ERP44: variants seen among roughly 807,000 people sequenced by gnomAD.
The protein encoded by ERP44 is endoplasmic reticulum resident protein 44.
In ERP44, 25 loss-of-function variants were observed where a neutral mutation model predicts 53.4. The ratio of observed to expected loss-of-function variants is 0.47; its 90% CI spans 0.34 to 0.65. The LOEUF (loss-of-function observed/expected upper bound fraction) is 0.65, where lower values mean the gene tolerates loss of function less well. Among genes scored for constraint, ERP44 ranks in the 30% least tolerant of loss-of-function variants. The pLI is 0.01. For synonymous variants in ERP44, 145 were observed against 161.2 expected, an observed-to-expected ratio of 0.90 and a Z score of 0.76; for missense variants, 338 against 493.2, an observed-to-expected ratio of 0.69 and a Z score of 2.98.
chr9:100,006,084 T>G (rs1830422474), intron 10 of ERP44, among the ~76,000 whole-genome samples: 1 of 152,234 alleles, frequency 6.6e-6, no homozygotes, highest in South Asian at 2.1e-4. Flanking sequence ...CTACTAATGT[T>G]CTTGCTATGT....
chr9:100,091,252 T>A (rs1383687139), intron 1 of ERP44, among the ~76,000 whole-genome samples: 1 of 152,226 alleles, frequency 6.6e-6, no homozygotes, highest in Non-Finnish European at 1.5e-5. Context: ...GTGACCACAA[T>A]ATCACCAAGG....
chr9:100,052,447 C>T lies in ERP44; in HGVS notation c.256G>A (p.Val86Met). Residue 86 changes from valine (V) to methionine (M), a missense_variant, in exon 4 of 12, where the codon GTG becomes ATG. Around this residue, in one of 3 missense-constraint regions of ERP44, gnomAD observed 224 missense variants for 301.4 expected, o/e 0.74. Transcript: ENST00000262455. ...TGATCACAATCAACTCTGGCAAACACTACTTGATTTTCATTTGGAAATTCT... is the reference window on the plus strand; with the variant it reads ...TGATCACAATCAACTCTGGCAAACATTACTTGATTTTCATTTGGAAATTCT... Reference protein sequence around the residue: ...KEEFPNENQVVFARVDCDQHS... With the variant: ...KEEFPNENQVMFARVDCDQHS... 6.2e-7 allele frequency: 1 copy of T among 1,611,846 alleles called. No homozygotes were observed. The highest frequency in any genetic ancestry group is 1.1e-5 in the South Asian group (1 of 90,658).
intron 1 of ERP44, among the ~76,000 whole-genome samples, chr9:100,091,787 G>C (rs1826560040): frequency 6.6e-6 from 1 of 152,128 alleles, no homozygotes; most frequent in African/African-American, 2.4e-5. Context: ...TGAATCATCT[G>C]GGTATAAGTT....
intron 10 of ERP44, among the ~76,000 whole-genome samples, chr9:100,001,341 A>G (rs1830374749): frequency 1.3e-5 from 2 of 152,172 alleles, no homozygotes; most frequent in Non-Finnish European, 1.5e-5. Flanking sequence ...AATGTTCTAT[A>G]TAAGTATGTT....
intron 1 of ERP44, among the ~76,000 whole-genome samples, chr9:100,079,914 G>T (rs1352518353): frequency 6.8e-6 from 1 of 147,460 alleles, no homozygotes; most frequent in African/African-American, 2.5e-5. Context: ...TAGCCTGGGT[G>T]ACAGAGTGAG....
At chr9:100,038,509 T>A (rs578027231) in intron 4 of ERP44, among the ~76,000 whole-genome samples, 1 of 150,696 alleles carries the variant, frequency 6.6e-6, no homozygotes, top group Non-Finnish European at 1.5e-5. Context: ...AAATAAAAAA[T>A]AAAAAGAAAT....
At chr9:100,059,446 G>C (rs62577233) in intron 2 of ERP44, among the ~76,000 whole-genome samples, 1 of 152,174 alleles carries the variant, frequency 6.6e-6, no homozygotes, top group African/African-American at 2.4e-5. Flanking sequence ...AGCACTTTGG[G>C]AGGCCAAGAT....
intron 4 of ERP44, among the ~76,000 whole-genome samples, chr9:100,036,144 T>A (rs1825846570): frequency 6.6e-6 from 1 of 152,148 alleles, no homozygotes; most frequent in Admixed American, 6.5e-5. Flanking sequence ...AGAACCAACC[T>A]AGGTATCCAT....
chr9:100,046,418 A>T (rs1031023426), intron 4 of ERP44, among the ~76,000 whole-genome samples: 1 of 152,220 alleles, frequency 6.6e-6, no homozygotes, highest in African/African-American at 2.4e-5. Context: ...AGGGCAAAAT[A>T]GGTAAGGAAT....
chr9:100,087,647 A>C (rs1330954165), intron 1 of ERP44, among the ~76,000 whole-genome samples: 1 of 152,210 alleles, frequency 6.6e-6, no homozygotes, highest in Non-Finnish European at 1.5e-5. Flanking sequence ...CAGAAAGGTT[A>C]AATAACTTTT....
intron 1 of ERP44, among the ~76,000 whole-genome samples, chr9:100,064,380 G>C (rs760242107): frequency 1.1e-4 from 17 of 152,142 alleles, no homozygotes; most frequent in South Asian, 2.1e-4. Flanking sequence ...AGAAGTAGGA[G>C]GAAAAGGTCC....
At chr9:100,089,855 T>C (rs1199275441) in intron 1 of ERP44, among the ~76,000 whole-genome samples, 2 of 152,078 alleles carry the variant, frequency 1.3e-5, no homozygotes, top group Admixed American at 1.3e-4. Flanking sequence ...ATATATAGGG[T>C]TCGGTATAAT....
intron 4 of ERP44, among the ~76,000 whole-genome samples, chr9:100,050,210 T>C (rs1826021392): frequency 6.6e-6 from 1 of 152,102 alleles, no homozygotes; most frequent in African/African-American, 2.4e-5. Context: ...AAGGAAAATT[T>C]TGGAGGATGA....
At chr9:100,018,784 G>C (rs1285774802) in intron 6 of ERP44, among the ~76,000 whole-genome samples, 2 of 152,068 alleles carry the variant, frequency 1.3e-5, no homozygotes, top group African/African-American at 4.8e-5. Context: ...AATTATTTTT[G>C]TAATCAATTT....
chr9:100,007,742 G>T, intron 8 of ERP44, 53 bp from the exon 9 acceptor site: 1 of 983,048 alleles, frequency 1.0e-6, no homozygotes, highest in Non-Finnish European at 1.6e-6. Flanking sequence ...TTCAGTTGTA[G>T]CTATTTTCTA....
chr9:100,004,972 TA>T (rs1481312279), intron 10 of ERP44, among the ~76,000 whole-genome samples: 1 of 152,210 alleles, frequency 6.6e-6, no homozygotes, highest in Non-Finnish European at 1.5e-5. Flanking sequence ...GAGTAATCTT[TA>T]AAAAACAATC....
chr9:100,007,784 A>G, intron 8 of ERP44, 95 bp from the exon 9 acceptor site: 1 of 741,322 alleles, frequency 1.3e-6, no homozygotes, highest in Non-Finnish European at 2.4e-6. Context: ...AACCCATGTA[A>G]TGCAATAGTT....
Position 99,979,698 on chromosome 9 carries a change from T to A in ERP44, c.*2914A>T. 2.8e-6 allele frequency: 1 copy of A among 363,196 alleles called. No homozygotes were observed. Among genetic ancestry groups the A allele is most frequent in the Non-Finnish European group, 4.9e-6 (1 of 204,122 alleles). 22.5% of individuals were successfully genotyped at this position (363,196 alleles called of 1,614,324 possible). A position where few individuals can be genotyped will look rare whatever the true frequency, so the allele number is the denominator to read the frequency against. ...CTGGGGACTCAACCGTGTTCTTCAG[T>A]CTGGTCTTGCATCCTCTCTTCCCAG... On this transcript the variant is annotated 3_prime_UTR_variant, in exon 12 of 12. Coordinates refer to ENST00000262455, the MANE Select transcript of ERP44 (RefSeq NM_015051.3).
At chr9:100,086,356 A>T (rs1157452693) in intron 1 of ERP44, among the ~76,000 whole-genome samples, 4 of 152,232 alleles carry the variant, frequency 2.6e-5, no homozygotes, top group African/African-American at 9.6e-5. Flanking sequence ...ATACTTTAAG[A>T]AACCACTAAT....
Sources: allele counts gnomAD v4.1 joint callset (sites outside exome capture counted in the v4.1 genomes callset), GRCh38; gene constraint gnomAD v4.1.1; regional missense constraint gnomAD v4.1.1; transcripts MANE v1.5; gene names NCBI Gene and HGNC (gene_info 2026-07-23, HGNC 2026-07-21).